The following ATG5 variants were observed in gnomAD, a reference collection of about 807,000 sequenced individuals.
ATG5 encodes the protein autophagy related 5.
Under a neutral mutation model 36.5 loss-of-function variants are expected in ATG5, and 14 were observed. The observed-to-expected ratio is 0.38, with a 90% CI of 0.25 to 0.60. ATG5 has a LOEUF of 0.60. Among genes scored for constraint, ATG5 ranks in the 20% least tolerant of loss-of-function variants. The probability of loss-of-function intolerance (pLI) is 0.60; values close to 1 mark genes in which losing one functional copy is unlikely to be tolerated. For synonymous variants in ATG5, 95 were observed against 101.5 expected (o/e 0.94, Z 0.38); for missense variants, 195 against 326.7 (o/e 0.60, Z 3.11).
At chr6:106,239,189 A>G (rs1470951696) in intron 6 of ATG5, among the ~76,000 whole-genome samples, 1 of 152,178 alleles carries the variant, frequency 6.6e-6, no homozygotes, top group Admixed American at 6.5e-5. Context: ...TAAAAACACA[A>G]TAGGATGAGA....
chr6:106,260,573 T>C (rs1778980693), intron 5 of ATG5, among the ~76,000 whole-genome samples: 1 of 152,346 alleles, frequency 6.6e-6, no homozygotes, highest in Non-Finnish European at 1.5e-5. Flanking sequence ...TACCCCTCTT[T>C]TTCATAAGTT....
intron 4 of ATG5, among the ~76,000 whole-genome samples, chr6:106,286,223 T>C (rs1001063743): frequency 4.6e-5 from 7 of 152,160 alleles, no homozygotes; most frequent in African/African-American, 1.2e-4. Context: ...GAACTCCAAT[T>C]TGTGCATCCT....
chr6:106,240,538 T>A (rs1562231017), intron 6 of ATG5, among the ~76,000 whole-genome samples: 2 of 151,916 alleles, frequency 1.3e-5, no homozygotes, highest in Non-Finnish European at 2.9e-5. Flanking sequence ...TATCTCTCTA[T>A]ACCCACAATA....
At chr6:106,258,904 T>C (rs1778905362) in intron 5 of ATG5, among the ~76,000 whole-genome samples, 1 of 152,228 alleles carries the variant, frequency 6.6e-6, no homozygotes, top group Non-Finnish European at 1.5e-5. Flanking sequence ...ACAGCACAGC[T>C]AGCAGTAGCT....
intron 7 of ATG5, among the ~76,000 whole-genome samples, chr6:106,191,462 T>C (rs1464082478): frequency 6.6e-6 from 1 of 152,150 alleles, no homozygotes; most frequent in African/African-American, 2.4e-5. Flanking sequence ...ATCTGGGTCT[T>C]TTACGTCTAA....
intron 6 of ATG5, among the ~76,000 whole-genome samples, chr6:106,210,043 C>T (rs1776797481): frequency 6.6e-6 from 1 of 152,144 alleles, no homozygotes; most frequent in African/African-American, 2.4e-5. Flanking sequence ...GTTTGAGAAG[C>T]ACTAGTCTAC....
chr6:106,190,037 C>T (rs913978123), intron 7 of ATG5, among the ~76,000 whole-genome samples: 1 of 151,992 alleles, frequency 6.6e-6, no homozygotes, highest in African/African-American at 2.4e-5. Context: ...ATAGTTATCA[C>T]AATAAAAAAT....
chr6:106,194,896 T>C (rs940727613), intron 7 of ATG5, among the ~76,000 whole-genome samples: 2 of 152,302 alleles, frequency 1.3e-5, no homozygotes, highest in African/African-American at 2.4e-5. Context: ...ATGTTCTTGA[T>C]GTGTTATTTT....
At chr6:106,311,926 G>C (rs1770660587) in intron 2 of ATG5, among the ~76,000 whole-genome samples, 1 of 151,876 alleles carries the variant, frequency 6.6e-6, no homozygotes, top group South Asian at 2.1e-4. Flanking sequence ...TACCTCCCAG[G>C]TTCAAGTGAT....
chr6:106,276,442 C>T (rs558855328), intron 5 of ATG5, among the ~76,000 whole-genome samples: 1 of 141,300 alleles, frequency 7.1e-6, no homozygotes, highest in Non-Finnish European at 1.5e-5. Flanking sequence ...CCAGCCTGGG[C>T]GACAGAGCGA....
intron 5 of ATG5, among the ~76,000 whole-genome samples, chr6:106,278,808 G>C (rs1223448254): frequency 6.6e-6 from 1 of 152,178 alleles, no homozygotes; most frequent in Non-Finnish European, 1.5e-5. Flanking sequence ...TGGGTAAAAT[G>C]AATAACAGAC....
At chr6:106,317,288 T>C (rs1016089889) in intron 1 of ATG5, among the ~76,000 whole-genome samples, 6 of 152,244 alleles carry the variant, frequency 3.9e-5, no homozygotes, top group African/African-American at 1.2e-4. Context: ...TCATCTTTGA[T>C]AGGCAGCTAA....
intron 6 of ATG5, among the ~76,000 whole-genome samples, chr6:106,238,456 A>G (rs1199173163): frequency 6.6e-6 from 1 of 152,210 alleles, no homozygotes; most frequent in African/African-American, 2.4e-5. Flanking sequence ...CTGGGAGCTA[A>G]CCCATCCCTC....
intron 7 of ATG5, among the ~76,000 whole-genome samples, chr6:106,192,134 T>C (rs1775988481): frequency 6.6e-6 from 1 of 152,260 alleles, no homozygotes; most frequent in South Asian, 2.1e-4. Flanking sequence ...TCTCAACACA[T>C]ATATTCAAGT....
intron 3 of ATG5, among the ~76,000 whole-genome samples, chr6:106,299,250 A>T (rs960170791): frequency 1.3e-5 from 2 of 152,220 alleles, no homozygotes; most frequent in Non-Finnish European, 2.9e-5. Context: ...CGTATACTTT[A>T]AATTATTGCT....
chr6:106,239,092 G>C (rs1054013835), intron 6 of ATG5, among the ~76,000 whole-genome samples: 9 of 151,716 alleles, frequency 5.9e-5, no homozygotes, highest in African/African-American at 1.9e-4. Context: ...ACACAGAAAA[G>C]TCTACTAGAA....
Position 106,186,438 on chromosome 6 carries a change from T to C in ATG5, c.*102A>G, listed in dbSNP as rs1293625849. On this transcript the variant is annotated 3_prime_UTR_variant, in exon 8 of 8. Coordinates refer to ENST00000369076, the MANE Select transcript of ATG5 (RefSeq NM_004849.4). Reference sequence around the variant, plus strand: ...GTCTGGCTTGCAGCAGCGAAGTGTTTCTGGTCAGGTTGCCTCCACCAAACC... The same window carrying C: ...GTCTGGCTTGCAGCAGCGAAGTGTTCCTGGTCAGGTTGCCTCCACCAAACC... The C allele has an allele frequency of 5.1e-6, 7 of 1,384,164 alleles. No homozygotes were observed. Among genetic ancestry groups the C allele is most frequent in the Non-Finnish European group, 6.0e-6 (6 of 1,000,884 alleles). The allele number at this position is 1,384,164 out of a possible 1,614,324, so 85.7% of individuals were successfully genotyped here. A position where few individuals can be genotyped will look rare whatever the true frequency, so the allele number is the denominator to read the frequency against.
At chr6:106,193,682 T>C (rs562645363) in intron 7 of ATG5, among the ~76,000 whole-genome samples, 119 of 152,338 alleles carry the variant, frequency 7.8e-4, no homozygotes, top group Non-Finnish European at 1.3e-3. Context: ...TTATTTTATC[T>C]GCTTTCATAA....
At chr6:106,318,958 A>G (rs1770962969) in intron 1 of ATG5, among the ~76,000 whole-genome samples, 1 of 152,228 alleles carries the variant, frequency 6.6e-6, no homozygotes, top group South Asian at 2.1e-4. Flanking sequence ...GAGGCAATAA[A>G]ACAAAATTTA....
Sources: gnomAD v4.1 joint callset for allele counts (sites outside exome capture counted in the v4.1 genomes callset) on GRCh38, gnomAD v4.1.1 for gene constraint, MANE v1.5 for transcripts, NCBI Gene and HGNC (gene_info 2026-07-23, HGNC 2026-07-21) for gene names.